BMPR2: variants seen among roughly 807,000 people sequenced by gnomAD.
The protein encoded by BMPR2 is bone morphogenetic protein receptor type-2.
BMPR2 carries 29 observed loss-of-function variants against 100.8 expected under a neutral mutation model. That is an observed-to-expected ratio of 0.29 (90% CI 0.21 to 0.39). The LOEUF (loss-of-function observed/expected upper bound fraction) is 0.39. BMPR2 is among the 10% of genes least tolerant of loss of function. The probability of loss-of-function intolerance (pLI) is 1.00; values close to 1 mark genes in which losing one functional copy is unlikely to be tolerated. For synonymous variants in BMPR2, 382 were observed against 442.3 expected, an observed-to-expected ratio of 0.86 and a Z score of 1.71; for missense variants, 1,011 against 1,274.5, an observed-to-expected ratio of 0.79 and a Z score of 3.15.
At chr2:202,474,887 T>A (rs1472774673) in intron 3 of BMPR2, 1 of 152,168 alleles carries the variant, frequency 6.6e-6, no homozygotes, top group African/African-American at 2.4e-5. Context: ...GAGAATATAT[T>A]CATGTATTAT....
intron 7 of BMPR2, among the ~76,000 whole-genome samples, chr2:202,523,379 G>A (rs1039731480): frequency 1.3e-5 from 2 of 152,076 alleles, no homozygotes; most frequent in South Asian, 2.1e-4. Context: ...CCTATTACTG[G>A]GTATATATCC....
In BMPR2 at chr2:202,377,442, T is replaced by G; in HGVS notation, c.-33T>G. 1 of 1,611,666 alleles carries G rather than the reference T, an allele frequency of 6.2e-7. No individual in the cohort carries two copies. The highest frequency in any genetic ancestry group is 8.5e-7 in the Non-Finnish European group (1 of 1,177,714). On this transcript the variant is annotated 5_prime_UTR_variant, in exon 1 of 13. Transcript: ENST00000374580. The stretch of plus-strand genomic sequence containing the variant: ...GCCGGTCTACTTCCCATATTTCTTT[T>G]CTTTGCCCTCCTGATTCTTGGCTGG...
At chr2:202,548,791 G>A (rs888714148) in intron 10 of BMPR2, among the ~76,000 whole-genome samples, 1 of 152,054 alleles carries the variant, frequency 6.6e-6, no homozygotes, top group South Asian at 2.1e-4. Flanking sequence ...CCTATTCCTA[G>A]AGTTAGAGTC....
In BMPR2 at chr2:202,464,812, C is replaced by T. The variant is rs573463511; in HGVS notation, c.80C>T (p.Ser27Leu). ...TCCTTTATTTCCTTTATTTTAGCTT[C>T]GCAGAATCAAGAACGGCTATGTGCG... is the stretch of plus-strand genomic sequence containing the variant. ...TILLVSTAAASQNQERLCAFK... is the reference protein window; with the variant it reads ...TILLVSTAAALQNQERLCAFK... Residue 27 changes from serine (S) to leucine (L), a missense_variant, in exon 2 of 13, where the codon TCG becomes TTG. Transcript: ENST00000374580. The T allele has an allele frequency of 1.9e-5, 31 of 1,609,828 alleles. No individual in the cohort carries two copies. The Admixed American group carries it at 2.2e-4, about 11-fold the overall frequency.
chr2:202,513,853 T>A, intron 4 of BMPR2, 24 bp downstream of exon 4: 1 of 1,511,918 alleles, frequency 6.6e-7, no homozygotes, highest in Non-Finnish European at 9.2e-7. Context: ...TTTTTTGTCC[T>A]ATTGTTTATT....
intron 1 of BMPR2, among the ~76,000 whole-genome samples, chr2:202,429,251 T>C (rs1691454421): frequency 1.3e-5 from 2 of 152,198 alleles, no homozygotes; most frequent in African/African-American, 4.8e-5. Context: ...CTGCTTAAAA[T>C]TCTTCAGTGG....
At chr2:202,458,574 C>A (rs1256265245) in intron 1 of BMPR2, among the ~76,000 whole-genome samples, 1 of 151,992 alleles carries the variant, frequency 6.6e-6, no homozygotes, top group Non-Finnish European at 1.5e-5. Flanking sequence ...GTCAAATTGT[C>A]CTCTTTATCC....
chr2:202,421,946 A>G (rs938310694), intron 1 of BMPR2, among the ~76,000 whole-genome samples: 4 of 152,028 alleles, frequency 2.6e-5, no homozygotes, highest in East Asian at 3.9e-4. Context: ...GTCTCGCTCT[A>G]TTGCCAGGCT....
In BMPR2 at chr2:202,397,835, T is replaced by C. The variant is rs1690683776; in HGVS notation, c.76+20285T>C. 2.0e-5 allele frequency among the ~76,000 whole-genome samples: 3 copies of C among 151,232 alleles called. No individual in the cohort carries two copies. The South Asian group carries it at 6.3e-4, about 32-fold the overall frequency. ...CCTTATATTGTCATCTTTAAAGATTTTCTGGCCAAGCATGGTGGCTCCCGC... is the reference window on the plus strand; with the variant it reads ...CCTTATATTGTCATCTTTAAAGATTCTCTGGCCAAGCATGGTGGCTCCCGC... On this transcript the variant is annotated intron_variant, in intron 1 of 12. Transcript: ENST00000374580.
chr2:202,444,954 A>G lies in BMPR2; in HGVS notation c.77-19855A>G, dbSNP rs1250241764. On this transcript the variant is annotated intron_variant, in intron 1 of 12. Coordinates refer to ENST00000374580, the MANE Select transcript of BMPR2 (RefSeq NM_001204.7). ...CAGGCATGCGCCACCATGCCTGGCT[A>G]ATTTTGTATTTTTAGTAGAGGTGGC... Among the ~76,000 whole-genome samples, 5 of 149,836 alleles carry G rather than the reference A, an allele frequency of 3.3e-5. No homozygotes were observed. In the East Asian group the frequency reaches 9.7e-4, roughly 29 times the overall value.
At chr2:202,533,552 C>T (rs1048829404) in intron 9 of BMPR2, among the ~76,000 whole-genome samples, 11 of 151,640 alleles carry the variant, frequency 7.3e-5, no homozygotes, top group Non-Finnish European at 1.5e-4. Flanking sequence ...AGGCCTGGCG[C>T]GGTGGCTTAC....
chr2:202,519,567 CTTT>C (rs1173855065), intron 6 of BMPR2, among the ~76,000 whole-genome samples: 4 of 152,026 alleles, frequency 2.6e-5, no homozygotes, highest in Admixed American at 2.0e-4. Flanking sequence ...TTTTTCTCTT[CTTT>C]ATTTAATTTT....
At chr2:202,454,166 C>T (rs886802573) in intron 1 of BMPR2, among the ~76,000 whole-genome samples, 1 of 152,096 alleles carries the variant, frequency 6.6e-6, no homozygotes, top group African/African-American at 2.4e-5. Context: ...ACCTCCCGGG[C>T]TCAAGTGATC....
intron 3 of BMPR2, among the ~76,000 whole-genome samples, chr2:202,484,853 C>T (rs1336257953): frequency 6.7e-6 from 1 of 150,106 alleles, no homozygotes; most frequent in East Asian, 2.0e-4. Context: ...CCTGTAGTCC[C>T]AGCTACTCGG....
chr2:202,544,995 C>T (rs1412170925), intron 10 of BMPR2, among the ~76,000 whole-genome samples: 1 of 151,706 alleles, frequency 6.6e-6, no homozygotes, highest in African/African-American at 2.4e-5. Context: ...CTCCTGAATT[C>T]AAGCAGTCCT....
intron 1 of BMPR2, among the ~76,000 whole-genome samples, chr2:202,425,366 AC>A (rs1245283499): frequency 2.0e-5 from 3 of 152,256 alleles, no homozygotes; most frequent in East Asian, 1.9e-4. Flanking sequence ...GAAGCGAGGT[AC>A]AGAAATAGCC....
intron 1 of BMPR2, among the ~76,000 whole-genome samples, chr2:202,392,107 G>T (rs1323948766): frequency 2.3e-5 from 3 of 131,824 alleles, no homozygotes; most frequent in Non-Finnish European, 3.2e-5. Context: ...TCTCGCTCTC[G>T]TCCCCCAGGC....
At chr2:202,486,774 C>T (rs551952339) in intron 3 of BMPR2, among the ~76,000 whole-genome samples, 5 of 152,136 alleles carry the variant, frequency 3.3e-5, no homozygotes, top group African/African-American at 1.2e-4. Flanking sequence ...ACCTATAATC[C>T]CAGCACTTTG....
intron 1 of BMPR2, among the ~76,000 whole-genome samples, chr2:202,446,336 T>C (rs1173134523): frequency 6.7e-6 from 1 of 149,778 alleles, no homozygotes; most frequent in African/African-American, 2.5e-5. Context: ...AGGCAGAAGT[T>C]GTGGTGAGCC....
Sources: allele counts gnomAD v4.1 joint callset (sites outside exome capture counted in the v4.1 genomes callset), GRCh38; gene constraint gnomAD v4.1.1; transcripts MANE v1.5; gene names NCBI Gene and HGNC (gene_info 2026-07-23, HGNC 2026-07-21).